MAST1: variants seen among roughly 807,000 people sequenced by gnomAD.
MAST1 encodes microtubule associated serine/threonine kinase 1.
A neutral mutation model predicts 124.6 loss-of-function variants in MAST1; 40 were observed. That is an observed-to-expected ratio of 0.32 (90% CI 0.25 to 0.42). The LOEUF (loss-of-function observed/expected upper bound fraction) is 0.42. MAST1 is among the 10% of genes least tolerant of loss of function. MAST1 has a pLI of 1.00. For missense variants in MAST1, 1,558 were observed against 2,181.9 expected (o/e 0.71, Z 5.70); for synonymous variants, 938 against 939.4 (o/e 1.00, Z 0.03).
At chr19:12,859,176 C>T (rs1426661639) in intron 12 of MAST1, among the ~76,000 whole-genome samples, 1 of 152,060 alleles carries the variant, frequency 6.6e-6, no homozygotes, top group African/African-American at 2.4e-5. Context: ...GACTCCCAGG[C>T]TCAAGCGATT....
rs778430578 is a variant in MAST1 at position 12,847,775 on chromosome 19, G to T, written c.565-73G>T. On this transcript the variant is annotated intron_variant, in intron 6 of 25. Transcript: ENST00000251472. This position sits in a 1 kb window ranked among gnomAD's most constrained non-coding sequence, Gnocchi z 5.5. ...CCCCGCGCGCCCCCTGGCGGCCTCG[G>T]TGCGCAGCGCAGGCTCCTGGCGGCC... The T allele has an allele frequency of 3.2e-6, 5 of 1,583,152 alleles. No individual in the cohort carries two copies. In the African/African-American group the frequency reaches 5.4e-5, roughly 17 times the overall value.
intron 10 of MAST1, among the ~76,000 whole-genome samples, chr19:12,856,111 T>C (rs1240730116): frequency 6.6e-6 from 1 of 152,126 alleles, no homozygotes; most frequent in Non-Finnish European, 1.5e-5. Flanking sequence ...CTACATTCTT[T>C]GGAGCATATA....
chr19:12,863,158 C>CA (rs749539925), intron 12 of MAST1, among the ~76,000 whole-genome samples: 6,947 of 42,764 alleles, frequency 0.16, 490 homozygotes, highest in Non-Finnish European at 0.19. Flanking sequence ...GACTCTGACT[C>CA]AAAAAAAAAA....
At position 12,867,467 on chromosome 19, in the gene MAST1, C is replaced by T; in HGVS notation, c.2140-7C>T. ...GGGCTGGACTTGCCTCCCACCACCACCTACAGGTGTATAGCAGCATGGAGC... is the reference window on the plus strand; with the variant it reads ...GGGCTGGACTTGCCTCCCACCACCATCTACAGGTGTATAGCAGCATGGAGC... On this transcript the variant is annotated splice_polypyrimidine_tract_variant and splice_region_variant and intron_variant, in intron 18 of 25. Transcript: ENST00000251472. 6.2e-7 allele frequency: 1 copy of T among 1,612,882 alleles called. No individual in the cohort carries two copies. Among genetic ancestry groups the T allele is most frequent in the Non-Finnish European group, 8.5e-7 (1 of 1,179,934 alleles).
At chr19:12,855,209 G>A (rs1970004696) in intron 10 of MAST1, among the ~76,000 whole-genome samples, 1 of 152,080 alleles carries the variant, frequency 6.6e-6, no homozygotes. Context: ...ACTCCAGCCT[G>A]GGTGAGAGAG....
At chr19:12,855,078 C>T (rs1415984700) in intron 10 of MAST1, among the ~76,000 whole-genome samples, 1 of 151,548 alleles carries the variant, frequency 6.6e-6, no homozygotes, top group East Asian at 1.9e-4. Context: ...TAAAAAAATA[C>T]ATAAAATTAG....
In MAST1 at chr19:12,866,207, G is replaced by A. The variant is rs74409365; in HGVS notation, c.2029+105G>A. 3,673 of 1,365,852 alleles carry A rather than the reference G, an allele frequency of 2.7e-3. 82 individuals carry two copies. In the African/African-American group the frequency reaches 0.047, roughly 18 times the overall value. The allele number at this position is 1,365,852 out of a possible 1,614,324, so 84.6% of individuals were successfully genotyped here. A position where few individuals can be genotyped will look rare whatever the true frequency, so the allele number is the denominator to read the frequency against. ...ATAGGGCCTGGCTAAGTACCAAGAT[G>A]TGATGCCTAGGTGCGAAGGTGGTAT... is the stretch of plus-strand genomic sequence containing the variant. On this transcript the variant is annotated intron_variant, in intron 17 of 25. Transcript: ENST00000251472. The surrounding 1 kb of genome is among the most constrained non-coding windows in gnomAD (Gnocchi z 5.2).
In MAST1 at chr19:12,866,519, T is replaced by C; in HGVS notation, c.2030-134T>C. ...GCCTGGGAGCGGAGCCTAAATTAAA[T>C]ACACTAATGAGGCAGGGGCGTGGCC... On this transcript the variant is annotated intron_variant, in intron 17 of 25. Coordinates refer to ENST00000251472, the MANE Select transcript of MAST1 (RefSeq NM_014975.3). This position sits in a 1 kb window ranked among gnomAD's most constrained non-coding sequence, Gnocchi z 5.2. The C allele has an allele frequency of 3.1e-6, 2 of 639,220 alleles. No individual in the cohort carries two copies. Among genetic ancestry groups the C allele is most frequent in the South Asian group, 1.9e-5 (1 of 53,804 alleles). The allele number at this position is 639,220 out of a possible 1,614,324, so 39.6% of individuals were successfully genotyped here.
In MAST1 at chr19:12,843,635, C is replaced by A; in HGVS notation, c.327+28C>A. 6.2e-7 allele frequency: 1 copy of A among 1,603,662 alleles called. No homozygotes were observed. The highest frequency in any genetic ancestry group is 1.1e-5 in the South Asian group (1 of 90,504). ...GAGTGTGGAAAGTAGGTGGGTGGGC[C>A]GGTGGGTAAGGAATTCAGGGGCCCT... On this transcript the variant is annotated intron_variant, in intron 4 of 25. Transcript: ENST00000251472. The surrounding 1 kb of genome is among the most constrained non-coding windows in gnomAD (Gnocchi z 4.9).
chr19:12,861,743 C>T (rs1277017909), intron 12 of MAST1, among the ~76,000 whole-genome samples: 1 of 136,398 alleles, frequency 7.3e-6, no homozygotes, highest in Non-Finnish European at 1.5e-5. Flanking sequence ...CGTTCTGTTG[C>T]CCAGGCTGGA....
At chr19:12,870,651 T>G (rs983381764) in intron 22 of MAST1, among the ~76,000 whole-genome samples, 173 bp from the exon 23 acceptor site, 14 of 120,302 alleles carry the variant, frequency 1.2e-4, no homozygotes, top group Non-Finnish European at 1.3e-4. Flanking sequence ...GGTGACAGAG[T>G]GAGACTCCGT....
At chr19:12,870,565 GGGA>G (rs1165055063) in intron 22 of MAST1, among the ~76,000 whole-genome samples, 1 of 151,396 alleles carries the variant, frequency 6.6e-6, no homozygotes, top group Non-Finnish European at 1.5e-5. Flanking sequence ...GGGAGGCTGA[GGGA>G]GGAGAATCGC....
At position 12,852,368 on chromosome 19, in the gene MAST1, C is replaced by G; in HGVS notation, c.1050C>G (p.Asn350Lys). The G allele has an allele frequency of 6.2e-7, 1 of 1,614,110 alleles. No homozygotes were observed. Among genetic ancestry groups the G allele is most frequent in the South Asian group, 1.1e-5 (1 of 91,086 alleles). The change falls in exon 10 of 26, where the codon AAC (asparagine) becomes AAG (lysine). Residue 350 changes from asparagine to lysine, a missense_variant. Physicochemically the swap from Asn to Lys is moderately conservative, Grantham distance 94. Coordinates refer to ENST00000251472, the MANE Select transcript of MAST1 (RefSeq NM_014975.3). ...HLEEQDSGGS[N>K]TPEQDDLSEG... Reference sequence around the variant, plus strand: ...AGGAACAGGACAGTGGTGGTTCCAACACCCCTGAGCAAGACGATCTCTCTG... The same window carrying G: ...AGGAACAGGACAGTGGTGGTTCCAAGACCCCTGAGCAAGACGATCTCTCTG...
chr19:12,842,568 C>G (rs1969844059), intron 3 of MAST1, among the ~76,000 whole-genome samples: 1 of 152,204 alleles, frequency 6.6e-6, no homozygotes, highest in South Asian at 2.1e-4. Flanking sequence ...GCTAGGATTA[C>G]AGGCATGAGC....
At position 12,874,363 on chromosome 19, in the gene MAST1, G is replaced by A. The variant is rs1372303878; in HGVS notation, c.4206G>A (p.Gly1402=). 6.3e-7 allele frequency: 1 copy of A among 1,598,010 alleles called. No individual in the cohort carries two copies. The highest frequency in any genetic ancestry group is 1.1e-5 in the South Asian group (1 of 90,966). ...QSVQTEDGTG[G]MARAVAKAAL... ...TGCAGACGGAGGATGGCACTGGCGG[G>A]ATGGCCAGGGCTGTGGCCAAGGCGG... is the stretch of plus-strand genomic sequence containing the variant. The change falls in exon 26 of 26, where the codon GGG becomes GGA. Residue 1402 remains glycine, a synonymous_variant. Coordinates refer to ENST00000251472, the MANE Select transcript of MAST1 (RefSeq NM_014975.3). This position sits in a 1 kb window ranked among gnomAD's most constrained non-coding sequence, Gnocchi z 6.6.
At position 12,847,601 on chromosome 19, in the gene MAST1, T is replaced by C. The variant is rs750734647; in HGVS notation, c.489-11T>C. ...CAGAGGACTCGACAAAATGGGCTTC[T>C]CTCCCCGCAGCCCCGGGCGCTCCCC... On this transcript the variant is annotated splice_polypyrimidine_tract_variant and intron_variant, in intron 5 of 25. Transcript: ENST00000251472. This position sits in a 1 kb window ranked among gnomAD's most constrained non-coding sequence, Gnocchi z 5.5. 4 of 1,613,838 alleles carry C rather than the reference T, an allele frequency of 2.5e-6. No homozygotes were observed. The African/African-American group carries it at 4.0e-5, about 16-fold the overall frequency.
intron 1 of MAST1, among the ~76,000 whole-genome samples, chr19:12,839,276 ATACC>A (rs1969798900): frequency 6.6e-6 from 1 of 152,008 alleles, no homozygotes. Context: ...GGTGCCACAC[ATACC>A]TAGCCTTGCA....
intron 18 of MAST1, 89 bp from the exon 19 acceptor site, chr19:12,867,385 T>G: frequency 6.7e-7 from 1 of 1,490,050 alleles, no homozygotes; most frequent in Non-Finnish European, 9.3e-7. Flanking sequence ...GTGGAGTGCG[T>G]TTTGCGGGGG....
chr19:12,870,899 C>A lies in MAST1; in HGVS notation c.3079C>A (p.Pro1027Thr), dbSNP rs929603555. 4 of 1,613,944 alleles carry A rather than the reference C, an allele frequency of 2.5e-6. No individual in the cohort carries two copies. The highest frequency in any genetic ancestry group is 1.7e-6 in the Non-Finnish European group (2 of 1,180,028). ...CCTCATCACCCACGTGAATGGGGAG[C>A]CTGTGCATGGCATGGTGCATCCTGA... ...GDLITHVNGE[P>T]VHGMVHPEVV... The change falls in exon 23 of 26, where the codon CCT (proline) becomes ACT (threonine). Residue 1027 changes from proline to threonine, a missense_variant. Transcript: ENST00000251472.
Sources: allele counts gnomAD v4.1 joint callset (sites outside exome capture counted in the v4.1 genomes callset), GRCh38; gene constraint gnomAD v4.1.1; non-coding constraint Gnocchi (gnomAD v3.1); transcripts MANE v1.5; gene names NCBI Gene and HGNC (gene_info 2026-07-23, HGNC 2026-07-21).